Variants in CUL5 observed in about 807,000 individuals in gnomAD.
The protein encoded by CUL5 is cullin 5.
CUL5 carries 26 observed loss-of-function variants against 108.8 expected under a neutral mutation model. The observed-to-expected ratio is 0.24, with a 90% CI of 0.18 to 0.33. The LOEUF is 0.33. Among genes scored for constraint, CUL5 ranks in the 10% least tolerant of loss-of-function variants. The pLI, the probability that CUL5 is intolerant of heterozygous loss-of-function variation, is 1.00. For synonymous variants in CUL5, 334 were observed against 298.0 expected (o/e 1.12, Z -1.25); for missense variants, 524 against 909.2 (o/e 0.58, Z 5.45).
At chr11:108,086,249 C>T (rs1864220129) in intron 11 of CUL5, among the ~76,000 whole-genome samples, 1 of 152,044 alleles carries the variant, frequency 6.6e-6, no homozygotes, top group South Asian at 2.1e-4. Context: ...CAACTGAAAA[C>T]AATAATAAAA....
In CUL5 at chr11:108,073,482, T is replaced by C. The variant is rs781192114; in HGVS notation, c.1098T>C (p.Leu366=). ...KEAFQDDPRF[L]TARDKAYKAV... Reference sequence around the variant, plus strand: ...CTTTTCAAGATGATCCACGATTTCTTACTGCAAGAGATAAGGTATATATTC... The same window carrying C: ...CTTTTCAAGATGATCCACGATTTCTCACTGCAAGAGATAAGGTATATATTC... Residue 366 remains leucine (L), a synonymous_variant, in exon 10 of 19, where the codon CTT becomes CTC. Transcript: ENST00000393094. The C allele has an allele frequency of 7.7e-6, 12 of 1,561,490 alleles. No individual in the cohort carries two copies. Among genetic ancestry groups the C allele is most frequent in the Non-Finnish European group, 1.1e-5 (12 of 1,140,494 alleles).
intron 15 of CUL5, among the ~76,000 whole-genome samples, chr11:108,095,248 G>T (rs1864461617): frequency 6.6e-6 from 1 of 152,116 alleles, no homozygotes; most frequent in Non-Finnish European, 1.5e-5. Flanking sequence ...AAAAGGTGAG[G>T]GTAGCTTACA....
intron 10 of CUL5, among the ~76,000 whole-genome samples, chr11:108,075,911 TATCCACC>T (rs1228258190): frequency 6.6e-6 from 1 of 152,214 alleles, no homozygotes; most frequent in Non-Finnish European, 1.5e-5. Context: ...GAAATAAAGA[TATCCACC>T]ATCTGACATA....
chr11:108,023,119 T>C lies in CUL5; in HGVS notation c.25-10683T>C, dbSNP rs988783237. Among the ~76,000 whole-genome samples, 11 of 152,120 alleles carry C rather than the reference T, an allele frequency of 7.2e-5. 1 individual carries two copies. The highest frequency in any genetic ancestry group is 3.9e-4 in the Admixed American group (6 of 15,268). On this transcript the variant is annotated intron_variant, in intron 1 of 18. Transcript: ENST00000393094. Reference sequence around the variant, plus strand: ...ATAGCCGGGCATGGTGGCACATGCCTGTAATCCCAGCTACCTGGGAGGCTG... The same window carrying C: ...ATAGCCGGGCATGGTGGCACATGCCCGTAATCCCAGCTACCTGGGAGGCTG...
chr11:108,038,031 A>T lies in CUL5; in HGVS notation c.134+4120A>T, dbSNP rs1862789835. Among the ~76,000 whole-genome samples the T allele has an allele frequency of 3.9e-5, 6 of 152,268 alleles. No homozygotes were observed. The South Asian group carries it at 1.2e-3, about 32-fold the overall frequency. On this transcript the variant is annotated intron_variant, in intron 2 of 18. Coordinates refer to ENST00000393094, the MANE Select transcript of CUL5 (RefSeq NM_003478.6). The stretch of plus-strand genomic sequence containing the variant: ...TCACTTAAAATATTCTAATTTCCGA[A>T]ATGATGTAGGACCTTGCTGCATACT...
intron 7 of CUL5, among the ~76,000 whole-genome samples, chr11:108,067,418 TTTATA>T: frequency 6.6e-6 from 1 of 152,346 alleles, no homozygotes; most frequent in Middle Eastern, 3.4e-3. Flanking sequence ...AGAAATACAT[TTTATA>T]TTGTGGCTTA....
intron 1 of CUL5, among the ~76,000 whole-genome samples, chr11:108,031,590 A>T (rs1429386525): frequency 6.6e-6 from 1 of 152,164 alleles, no homozygotes; most frequent in East Asian, 1.9e-4. Flanking sequence ...GTTGAAGATC[A>T]GATAGTTGTA....
intron 1 of CUL5, among the ~76,000 whole-genome samples, chr11:108,024,525 C>T (rs1246403013): frequency 6.6e-6 from 1 of 152,160 alleles, no homozygotes; most frequent in Non-Finnish European, 1.5e-5. Context: ...AGTACAGCAC[C>T]TAACATGTAA....
At chr11:108,027,376 A>G (rs1221642357) in intron 1 of CUL5, among the ~76,000 whole-genome samples, 3 of 151,824 alleles carry the variant, frequency 2.0e-5, no homozygotes, top group Non-Finnish European at 2.9e-5. Context: ...GGTTCAAGCA[A>G]TTCTCCCACC....
chr11:108,059,287 CA>C (rs994195605), intron 7 of CUL5, among the ~76,000 whole-genome samples: 11 of 152,212 alleles, frequency 7.2e-5, no homozygotes, highest in African/African-American at 2.7e-4. Flanking sequence ...TATATACCCA[CA>C]GTGTGTCAGG....
chr11:108,069,199 G>A (rs1863763154), intron 7 of CUL5, among the ~76,000 whole-genome samples: 1 of 152,164 alleles, frequency 6.6e-6, no homozygotes, highest in African/African-American at 2.4e-5. Context: ...CAAGGCTGTA[G>A]TGAGGTATGA....
intron 1 of CUL5, among the ~76,000 whole-genome samples, chr11:108,013,735 T>C (rs1334352269): frequency 6.6e-6 from 1 of 152,110 alleles, no homozygotes; most frequent in African/African-American, 2.4e-5. Context: ...TTTTTATCCT[T>C]TAAGAGGAAA....
chr11:108,059,882 TAAA>T (rs35036425), intron 7 of CUL5, among the ~76,000 whole-genome samples: 6 of 141,972 alleles, frequency 4.2e-5, no homozygotes, highest in South Asian at 2.3e-4. Context: ...AGACTCTGTC[TAAA>T]AAAAAAAAAA....
intron 11 of CUL5, chr11:108,085,047 G>C (rs918836043): frequency 2.0e-5 from 3 of 152,196 alleles, no homozygotes; most frequent in Non-Finnish European, 2.9e-5. Flanking sequence ...CAGAGTTGCT[G>C]TATGGCCCAA....
At chr11:108,072,039 C>T (rs991224387) in intron 8 of CUL5, among the ~76,000 whole-genome samples, 7 of 151,996 alleles carry the variant, frequency 4.6e-5, no homozygotes, top group African/African-American at 1.7e-4. Flanking sequence ...ATTAGCCAGG[C>T]ATGGTGACAT....
In CUL5 at chr11:108,018,581, A is replaced by T. The variant is rs1485398818; in HGVS notation, c.24+9209A>T. ...TCCCAGCTACGCAGGAGGCTGAGGCAGGAGAATCACTTGAACCCACGAGGC... is the reference window on the plus strand; with the variant it reads ...TCCCAGCTACGCAGGAGGCTGAGGCTGGAGAATCACTTGAACCCACGAGGC... On this transcript the variant is annotated intron_variant, in intron 1 of 18. Coordinates refer to ENST00000393094, the MANE Select transcript of CUL5 (RefSeq NM_003478.6). Among the ~76,000 whole-genome samples, 6 of 152,198 alleles carry T rather than the reference A, an allele frequency of 3.9e-5. No homozygotes were observed. In the South Asian group the frequency reaches 1.2e-3, roughly 32 times the overall value.
Position 108,105,858 on chromosome 11 carries a change from C to T in CUL5, c.*1474C>T, listed in dbSNP as rs1398498255. 2 of 152,054 alleles carry T rather than the reference C, an allele frequency of 1.3e-5. No individual in the cohort carries two copies. The highest frequency in any genetic ancestry group is 2.4e-5 in the African/African-American group (1 of 41,404). The allele number at this position is 152,054 out of a possible 1,614,324, so 9.4% of individuals were successfully genotyped here. ...AGGAAATGGAGTACAGAAAGGCATA[C>T]AGTATTATGTTACAGTGGAGTGCTT... is the stretch of plus-strand genomic sequence containing the variant. On this transcript the variant is annotated 3_prime_UTR_variant, in exon 19 of 19. Coordinates refer to ENST00000393094, the MANE Select transcript of CUL5 (RefSeq NM_003478.6).
chr11:108,010,744 A>G (rs1862039824), intron 1 of CUL5, among the ~76,000 whole-genome samples: 1 of 152,170 alleles, frequency 6.6e-6, no homozygotes, highest in Admixed American at 6.5e-5. Flanking sequence ...TGAGTAACCC[A>G]TCCCACTCTG....
chr11:108,009,707 G>A (rs963561068), intron 1 of CUL5, among the ~76,000 whole-genome samples: 1 of 152,204 alleles, frequency 6.6e-6, no homozygotes, highest in Non-Finnish European at 1.5e-5. Flanking sequence ...GTACTGTTAG[G>A]TCTCAGTTTC....
Sources: gnomAD v4.1 joint callset for allele counts (sites outside exome capture counted in the v4.1 genomes callset) on GRCh38, gnomAD v4.1.1 for gene constraint, MANE v1.5 for transcripts, NCBI Gene and HGNC (gene_info 2026-07-23, HGNC 2026-07-21) for gene names.